NEO1: variants seen among roughly 807,000 people sequenced by gnomAD.
NEO1 encodes neogenin.
Under a neutral mutation model 159.7 loss-of-function variants are expected in NEO1, and 63 were observed. That is an observed-to-expected ratio of 0.39 (90% CI 0.32 to 0.49). NEO1 has a LOEUF of 0.49. NEO1 is among the 20% of genes least tolerant of loss of function. The probability of loss-of-function intolerance (pLI) is 0.85; values close to 1 mark genes in which losing one functional copy is unlikely to be tolerated. For synonymous variants in NEO1, 633 were observed against 662.0 expected (o/e 0.96, Z 0.67); for missense variants, 1,615 against 1,831.0 (o/e 0.88, Z 2.15).
rs140846439 is a variant in NEO1, at chr15:73,224,293, A to G, written c.1292-12054A>G. Among the ~76,000 whole-genome samples, 362 of 152,250 alleles carry G rather than the reference A, an allele frequency of 2.4e-3. 3 individuals carry two copies. The highest frequency in any genetic ancestry group is 7.5e-3 in the African/African-American group (310 of 41,534). ...ACACTGATGACAGTGTGCTTAGGTG[A>G]TGATCTTTTTGCAATGAATTTCCCA... On this transcript the variant is annotated intron_variant, in intron 7 of 28. Transcript: ENST00000261908.
chr15:73,229,585 C>T (rs1438581337), intron 7 of NEO1, among the ~76,000 whole-genome samples: 1 of 151,744 alleles, frequency 6.6e-6, no homozygotes, highest in Non-Finnish European at 1.5e-5. Flanking sequence ...TTTGCACTTG[C>T]TAGGACTTTT....
At chr15:73,080,579 A>G (rs1329637636) in intron 1 of NEO1, among the ~76,000 whole-genome samples, 2 of 152,176 alleles carry the variant, frequency 1.3e-5, no homozygotes, top group African/African-American at 4.8e-5. Flanking sequence ...AAATTTCACA[A>G]AACTCAGGTC....
chr15:73,214,499 A>G (rs548901167), intron 7 of NEO1, among the ~76,000 whole-genome samples: 15 of 152,114 alleles, frequency 9.9e-5, no homozygotes, highest in Non-Finnish European at 1.8e-4. Flanking sequence ...TGGCTAGCCA[A>G]TTATCCCAGC....
intron 8 of NEO1, among the ~76,000 whole-genome samples, chr15:73,242,251 G>A (rs368934590): frequency 3.3e-5 from 5 of 152,288 alleles, no homozygotes; most frequent in East Asian, 3.9e-4. Context: ...ACCACTAGTA[G>A]CCTACTGTTG....
chr15:73,124,088 G>A (rs12324238), intron 3 of NEO1, among the ~76,000 whole-genome samples: 42 of 152,182 alleles, frequency 2.8e-4, no homozygotes, highest in African/African-American at 8.9e-4. Context: ...CTTGAGACAC[G>A]GTCTTGCTCT....
intron 7 of NEO1, among the ~76,000 whole-genome samples, chr15:73,188,107 T>G (rs1038971353): frequency 4.6e-4 from 70 of 152,144 alleles, no homozygotes; most frequent in Non-Finnish European, 5.0e-4. Flanking sequence ...GTTTGTAGAC[T>G]CTTAACTTCT....
chr15:73,121,758 G>T (rs2071666396), intron 2 of NEO1, among the ~76,000 whole-genome samples: 1 of 151,806 alleles, frequency 6.6e-6, no homozygotes, highest in Non-Finnish European at 1.5e-5. Context: ...TTATTCAGTG[G>T]GTTATAATGC....
chr15:73,219,825 G>A (rs1162380516), intron 7 of NEO1, among the ~76,000 whole-genome samples: 3 of 144,820 alleles, frequency 2.1e-5, no homozygotes, highest in Admixed American at 7.0e-5. Flanking sequence ...GTCTCTGCAC[G>A]TGAGATGGGT....
At chr15:73,162,237 T>TAAGTGCTGTTACC in intron 5 of NEO1, 1 of 215,666 alleles carries the variant, frequency 4.6e-6, no homozygotes, top group Non-Finnish European at 9.7e-6. Context: ...CCCCAGCTCC[T>TAAGTGCTGTTACC]AAGTGCTGTT....
chr15:73,179,863 G>GTATATA (rs200048014), intron 7 of NEO1, among the ~76,000 whole-genome samples: 50 of 147,926 alleles, frequency 3.4e-4, no homozygotes, highest in South Asian at 1.1e-3. Flanking sequence ...TAAATAATAT[G>GTATATA]TATATATATA....
chr15:73,152,139 T>A (rs147893083), intron 5 of NEO1, among the ~76,000 whole-genome samples: 2,203 of 152,326 alleles, frequency 0.014, 21 homozygotes, highest in South Asian at 0.017. Context: ...CATCCCCAGT[T>A]CCTGGCGCAT....
rs1337938309 is a variant in NEO1 at position 73,062,889 on chromosome 15, C to T, written c.130+10084C>T. Among the ~76,000 whole-genome samples the T allele has an allele frequency of 4.6e-5, 7 of 152,240 alleles. No individual in the cohort carries two copies. The East Asian group carries it at 7.7e-4, about 17-fold the overall frequency. On this transcript the variant is annotated intron_variant, in intron 1 of 28. Coordinates refer to ENST00000261908, the MANE Select transcript of NEO1 (RefSeq NM_002499.4). ...TCAGTTGAAAAGTCTAGGCTAGAAA[C>T]GTAGGCTCACAGGTTATCTGATAGA...
chr15:73,205,691 G>A, intron 7 of NEO1, among the ~76,000 whole-genome samples: 1 of 152,108 alleles, frequency 6.6e-6, no homozygotes, highest in Middle Eastern at 3.2e-3. Context: ...GCAAATCTTG[G>A]TTGCTGTATG....
chr15:73,177,100 C>A (rs2035321921), intron 6 of NEO1, among the ~76,000 whole-genome samples: 1 of 152,132 alleles, frequency 6.6e-6, no homozygotes, highest in Non-Finnish European at 1.5e-5. Flanking sequence ...TATAAAGATT[C>A]TTTTTTAAAA....
intron 5 of NEO1, among the ~76,000 whole-genome samples, chr15:73,171,375 C>A (rs2034954410): frequency 6.6e-6 from 1 of 151,752 alleles, no homozygotes; most frequent in Non-Finnish European, 1.5e-5. Flanking sequence ...CTAGCCTGGG[C>A]AACATAGTGA....
rs34114271 is a variant in NEO1 at position 73,290,224 on chromosome 15, A to ATTTTTTTTT, written c.3742+1006_3742+1014dup. On this transcript the variant is annotated intron_variant, in intron 25 of 28. Coordinates refer to ENST00000261908, the MANE Select transcript of NEO1 (RefSeq NM_002499.4). ...ATAGCTTTAGGTTTTACTGTGTGGA[A>ATTTTTTTTT]TTTTTTTTTTTTTTTTTTTTTTTTT... Among the ~76,000 whole-genome samples the ATTTTTTTTT allele has an allele frequency of 2.1e-4, 17 of 82,274 alleles. 1 individual carries two copies. The highest frequency in any genetic ancestry group is 7.2e-4 in the African/African-American group (17 of 23,638). The allele number at this position is 82,274 out of a possible 152,430, so 54.0% of individuals were successfully genotyped here. A position where few individuals can be genotyped will look rare whatever the true frequency, so the allele number is the denominator to read the frequency against.
At chr15:73,268,447 C>T (rs1424007537) in intron 16 of NEO1, among the ~76,000 whole-genome samples, 1 of 152,106 alleles carries the variant, frequency 6.6e-6, no homozygotes, top group Non-Finnish European at 1.5e-5. Context: ...GACTTCTACA[C>T]CTGAAGGTGC....
chr15:73,231,619 A>G (rs998668395), intron 7 of NEO1, among the ~76,000 whole-genome samples: 2 of 152,288 alleles, frequency 1.3e-5, no homozygotes, highest in South Asian at 4.1e-4. Context: ...CTGTGGTCCT[A>G]GCTGCTCAGG....
At chr15:73,197,068 T>C (rs747602519) in intron 7 of NEO1, among the ~76,000 whole-genome samples, 26 of 152,294 alleles carry the variant, frequency 1.7e-4, no homozygotes, top group Middle Eastern at 3.4e-3. Flanking sequence ...AGAAAATATG[T>C]TTCTAAGAGG....
Sources: gnomAD v4.1 joint callset for allele counts (sites outside exome capture counted in the v4.1 genomes callset) on GRCh38, gnomAD v4.1.1 for gene constraint, MANE v1.5 for transcripts, NCBI Gene and HGNC (gene_info 2026-07-23, HGNC 2026-07-21) for gene names.